The following CFAP74 variants were observed in gnomAD, a reference collection of about 807,000 sequenced individuals.
The protein encoded by CFAP74 is cilia- and flagella-associated protein 74.
Under a neutral mutation model 188.9 loss-of-function variants are expected in CFAP74, and 124 were observed. The ratio of observed to expected loss-of-function variants is 0.66; its 90% CI spans 0.57 to 0.76. The LOEUF (loss-of-function observed/expected upper bound fraction) is 0.76, where lower values mean the gene tolerates loss of function less well. CFAP74 is among the 30% of genes least tolerant of loss of function. CFAP74 has a pLI of 0.00. For synonymous variants in CFAP74, 956 were observed against 916.7 expected, an observed-to-expected ratio of 1.04 and a Z score of -0.77; for missense variants, 2,198 against 2,165.2, an observed-to-expected ratio of 1.02 and a Z score of -0.30.
intron 11 of CFAP74, 71 bp from the exon 12 acceptor site, chr1:1,966,597 G>GC: frequency 7.4e-7 from 1 of 1,345,442 alleles, no homozygotes; most frequent in Non-Finnish European, 9.7e-7. Context: ...ACTCGGCCCA[G>GC]CCCCCGCCGG....
At chr1:1,960,767 C>T (rs141272769) in intron 14 of CFAP74, among the ~76,000 whole-genome samples, 19 of 152,326 alleles carry the variant, frequency 1.2e-4, no homozygotes, top group Admixed American at 2.6e-4. Context: ...GCTTTGGTGC[C>T]GACTGCACAG....
chr1:1,977,152 C>A (rs1656502371), intron 6 of CFAP74, among the ~76,000 whole-genome samples: 1 of 152,154 alleles, frequency 6.6e-6, no homozygotes, highest in Non-Finnish European at 1.5e-5. Flanking sequence ...CCAGCCACCT[C>A]TTTTCTTTAT....
At chr1:1,969,869 A>C (rs1383391187) in intron 10 of CFAP74, among the ~76,000 whole-genome samples, 1 of 152,238 alleles carries the variant, frequency 6.6e-6, no homozygotes, top group African/African-American at 2.4e-5. Context: ...GTGATTGGCC[A>C]GGGCCGTGGA....
chr1:1,954,907 G>GCT (rs76908344), intron 18 of CFAP74: 2 of 1,154,712 alleles, frequency 1.7e-6, no homozygotes, highest in African/African-American at 1.6e-5. Context: ...AGTGCAGAAC[G>GCT]GCCTTCGCAA....
At position 1,973,967 on chromosome 1, in the gene CFAP74, C is replaced by A. The variant is rs111242673; in HGVS notation, c.674+58G>T. The A allele has an allele frequency of 2.1e-6, 3 of 1,444,590 alleles. No homozygotes were observed. The South Asian group carries it at 4.3e-5, about 21-fold the overall frequency. 89.5% of individuals were successfully genotyped at this position (1,444,590 alleles called of 1,614,324 possible). ...ATCTGGAGACCCCTGGGGGAGAGGGCGGAGGGGCTGGCAGAAGCTGCTGGG... is the reference window on the plus strand; with the variant it reads ...ATCTGGAGACCCCTGGGGGAGAGGGAGGAGGGGCTGGCAGAAGCTGCTGGG... On this transcript the variant is annotated intron_variant, in intron 7 of 38. Transcript: ENST00000682832. The surrounding 1 kb of genome is among the most constrained non-coding windows in gnomAD (Gnocchi z 6.2).
chr1:1,927,808 C>G, intron 27 of CFAP74, 62 bp from the exon 28 acceptor site: 4 of 1,502,566 alleles, frequency 2.7e-6, no homozygotes, highest in Non-Finnish European at 3.6e-6. Flanking sequence ...AGCTGTGCCC[C>G]GTGGCTCCTC....
chr1:1,970,282 G>A (rs1369944906), intron 10 of CFAP74, among the ~76,000 whole-genome samples: 1 of 152,224 alleles, frequency 6.6e-6, no homozygotes, highest in Non-Finnish European at 1.5e-5. Context: ...GCAGCACCAG[G>A]TTCCCTGGAG....
intron 14 of CFAP74, 120 bp from the exon 15 acceptor site, chr1:1,960,150 C>A (rs771878787): frequency 1.3e-6 from 1 of 791,230 alleles, no homozygotes; most frequent in Non-Finnish European, 2.0e-6. Context: ...GGGCCTGGCC[C>A]CCTGCCCAGC....
At chr1:1,924,918 C>T (rs929691662) in intron 33 of CFAP74, among the ~76,000 whole-genome samples, 4 of 152,260 alleles carry the variant, frequency 2.6e-5, no homozygotes, top group Admixed American at 1.3e-4. Context: ...CTCCAGGACC[C>T]GCCCTGAGCC....
chr1:2,000,924 G>T (rs1181167969), intron 1 of CFAP74, among the ~76,000 whole-genome samples: 1 of 152,204 alleles, frequency 6.6e-6, no homozygotes, highest in African/African-American at 2.4e-5. Context: ...AAAAGACAGA[G>T]GCCCGCCTGA....
chr1:1,926,024 C>CTCCA, intron 32 of CFAP74, 86 bp from the exon 33 acceptor site: 6 of 1,456,930 alleles, frequency 4.1e-6, no homozygotes, highest in Non-Finnish European at 5.5e-6. Flanking sequence ...GGGTTCTCAA[C>CTCCA]GCTGGAGTTG....
At chr1:1,930,410 C>T (rs1652280488) in intron 25 of CFAP74, 74 bp from the exon 26 acceptor site, 2 of 1,419,274 alleles carry the variant, frequency 1.4e-6, no homozygotes, top group African/African-American at 2.8e-5. Flanking sequence ...GCGGGGGCCA[C>T]TGGGTGGAGG....
intron 1 of CFAP74, among the ~76,000 whole-genome samples, chr1:1,991,829 G>T (rs1359232093): frequency 2.0e-5 from 3 of 151,970 alleles, no homozygotes; most frequent in Non-Finnish European, 2.9e-5. Flanking sequence ...CACGAGGTCA[G>T]GAGATCGAGA....
intron 14 of CFAP74, among the ~76,000 whole-genome samples, chr1:1,961,415 A>T (rs1174125973): frequency 2.0e-5 from 3 of 152,216 alleles, no homozygotes; most frequent in Non-Finnish European, 4.4e-5. Context: ...CTCCAAAAAA[A>T]CCAGCACCTG....
Position 1,927,663 on chromosome 1 carries a change from C to A in CFAP74, c.3471G>T (p.Leu1157=), listed in dbSNP as rs1652018401. The change falls in exon 28 of 39, where the codon CTG becomes CTT. Residue 1157 remains leucine (L), a synonymous_variant. Coordinates refer to ENST00000682832, the MANE Select transcript of CFAP74 (RefSeq NM_001304360.2). ...GGACGTGGGGGACAGAGACTTTGAA[C>A]AGCTTGTCGCGGTTCTGTGCTCGAA... The part of the protein sequence containing the change: ...SVLRAQNRDK[L]FKVSVPHVLE... 1 of 1,550,214 alleles carries A rather than the reference C, an allele frequency of 6.5e-7. No individual in the cohort carries two copies. Among genetic ancestry groups the A allele is most frequent in the Non-Finnish European group, 8.7e-7 (1 of 1,146,852 alleles).
rs531353207 is a variant in CFAP74, at chr1:1,993,956, TG to T, written c.-19-2982del. ...GAGATCACACCACTGCACTCCAGCC[TG>T]GGCGACAGAGCAAGACTCCGTCTCA... On this transcript the variant is annotated intron_variant, in intron 1 of 38. Coordinates refer to ENST00000682832, the MANE Select transcript of CFAP74 (RefSeq NM_001304360.2). 4.6e-5 allele frequency among the ~76,000 whole-genome samples: 7 copies of T among 151,032 alleles called. No individual in the cohort carries two copies. In the South Asian group the frequency reaches 1.3e-3, roughly 27 times the overall value.
Position 1,923,534 on chromosome 1 carries a change from A to G in CFAP74, c.4390-35T>C. On this transcript the variant is annotated intron_variant, in intron 35 of 38. Coordinates refer to ENST00000682832, the MANE Select transcript of CFAP74 (RefSeq NM_001304360.2). This position sits in a 1 kb window ranked among gnomAD's most constrained non-coding sequence, Gnocchi z 6.3. Reference sequence around the variant, plus strand: ...AGAAGTGGAGTGGCCTTGTCCCCGAAGCTCGGCGGCAGGGGTCCTGCTGGT... The same window carrying G: ...AGAAGTGGAGTGGCCTTGTCCCCGAGGCTCGGCGGCAGGGGTCCTGCTGGT... The G allele has an allele frequency of 6.3e-7, 1 of 1,594,352 alleles. No individual in the cohort carries two copies. The highest frequency in any genetic ancestry group is 1.3e-5 in the African/African-American group (1 of 74,674).
At chr1:1,938,043 C>G (rs1653027515) in intron 25 of CFAP74, among the ~76,000 whole-genome samples, 1 of 106,006 alleles carries the variant, frequency 9.4e-6, no homozygotes, top group African/African-American at 3.3e-5. Context: ...CTCACACATA[C>G]ATGCACTCAC....
intron 25 of CFAP74, among the ~76,000 whole-genome samples, chr1:1,934,417 CATGTGTGTTGTAGGTACACAT>C (rs1227384677): frequency 9.9e-6 from 1 of 101,434 alleles, no homozygotes; most frequent in Non-Finnish European, 1.9e-5. Flanking sequence ...CACGTGTGTA[CATGTGTGTTGTAGGTACACAT>C]GTGTGTATTA....
Sources: gnomAD v4.1 joint callset for allele counts (sites outside exome capture counted in the v4.1 genomes callset) on GRCh38, gnomAD v4.1.1 for gene constraint, Gnocchi (gnomAD v3.1) non-coding constraint, MANE v1.5 for transcripts, NCBI Gene and HGNC (gene_info 2026-07-23, HGNC 2026-07-21) for gene names.